The following RBFOX2 variants were observed in gnomAD, a reference collection of about 807,000 sequenced individuals.
The protein encoded by RBFOX2 is RNA binding protein fox-1 homolog 2.
In RBFOX2, 10 loss-of-function variants were observed where a neutral mutation model predicts 49.1. That is an observed-to-expected ratio of 0.20 (90% confidence interval 0.13 to 0.35). The LOEUF (loss-of-function observed/expected upper bound fraction) is 0.35, where lower values mean the gene tolerates loss of function less well. Ranked by LOEUF, RBFOX2 falls within the 10% of genes least tolerant of loss-of-function variation. RBFOX2 has a pLI of 1.00. For missense variants in RBFOX2, 323 were observed against 486.9 expected, an observed-to-expected ratio of 0.66 and a Z score of 3.17; for synonymous variants, 183 against 187.4, an observed-to-expected ratio of 0.98 and a Z score of 0.19.
At chr22:35,897,581 C>A in intron 1 of RBFOX2, 1 of 971,986 alleles carries the variant, frequency 1.0e-6, no homozygotes. Context: ...TTCACCAGGT[C>A]AAAGAGGAGA....
rs939589003 is a variant in RBFOX2, at chr22:35,951,487, C to T, written c.42+10076G>A. ...TTTGAACTCCCAACCACAGGTGATC[C>T]GCCTGCCTTGGCCTCCCAAAGTGCT... On this transcript the variant is annotated intron_variant, in intron 1 of 5. Coordinates refer to the RBFOX2 transcript ENST00000408983. 3.9e-5 allele frequency among the ~76,000 whole-genome samples: 6 copies of T among 152,002 alleles called. No individual in the cohort carries two copies. The East Asian group carries it at 9.6e-4, about 24-fold the overall frequency.
intron 1 of RBFOX2, among the ~76,000 whole-genome samples, chr22:35,856,489 T>A (rs2042522660): frequency 6.6e-6 from 1 of 152,182 alleles, no homozygotes; most frequent in African/African-American, 2.4e-5. Context: ...TAGCAAAGAT[T>A]GCCGAGATTT....
intron 1 of RBFOX2, among the ~76,000 whole-genome samples, chr22:35,958,690 C>T (rs1249996130): frequency 6.6e-6 from 1 of 152,182 alleles, no homozygotes; most frequent in Non-Finnish European, 1.5e-5. Context: ...TTAATTCTTG[C>T]TTGGAACCAA....
At chr22:35,957,445 C>G (rs1209786474) in intron 1 of RBFOX2, among the ~76,000 whole-genome samples, 1 of 152,136 alleles carries the variant, frequency 6.6e-6, no homozygotes, top group Non-Finnish European at 1.5e-5. Flanking sequence ...TTGCACCCTC[C>G]TTACCTTGCA....
At chr22:35,975,528 A>G (rs1045972115) in intron 1 of RBFOX2, among the ~76,000 whole-genome samples, 1 of 152,340 alleles carries the variant, frequency 6.6e-6, no homozygotes, top group Non-Finnish European at 1.5e-5. Flanking sequence ...CAATGAAATA[A>G]CTATTACTAT....
At chr22:35,926,138 A>C (rs987933134) in intron 1 of RBFOX2, among the ~76,000 whole-genome samples, 4 of 152,214 alleles carry the variant, frequency 2.6e-5, no homozygotes, top group African/African-American at 9.6e-5. Flanking sequence ...TTTCATTCTA[A>C]ATCATCTGCC....
chr22:35,947,290 G>A (rs1352127611), intron 1 of RBFOX2, among the ~76,000 whole-genome samples: 3 of 152,114 alleles, frequency 2.0e-5, no homozygotes, highest in Non-Finnish European at 2.9e-5. Flanking sequence ...TTTGTGTGAT[G>A]CTGGTGTAAA....
chr22:35,816,380 C>T (rs901041844), intron 1 of RBFOX2, among the ~76,000 whole-genome samples: 5 of 152,072 alleles, frequency 3.3e-5, no homozygotes, highest in African/African-American at 9.7e-5. Context: ...TTGCTTTTCT[C>T]ACCTCAAGAA....
intron 3 of RBFOX2, among the ~76,000 whole-genome samples, chr22:35,780,299 G>C (rs1351538144): frequency 1.3e-5 from 2 of 150,882 alleles, no homozygotes; most frequent in African/African-American, 2.4e-5. Context: ...ACTTAAAGAA[G>C]AGCATCTGCT....
At chr22:35,756,043 A>T in intron 9 of RBFOX2, 62 bp downstream of exon 11, 8 of 1,244,978 alleles carry the variant, frequency 6.4e-6, no homozygotes, top group Non-Finnish European at 8.3e-6. Flanking sequence ...CCAAAGAAAC[A>T]GAAAAAAAAA....
intron 1 of RBFOX2, among the ~76,000 whole-genome samples, chr22:35,826,623 T>C (rs1955798451): frequency 6.6e-6 from 1 of 152,102 alleles, no homozygotes; most frequent in Non-Finnish European, 1.5e-5. Flanking sequence ...TGCCCCCTGG[T>C]TCCTCAGGAG....
chr22:35,882,003 G>A (rs1428911184), intron 1 of RBFOX2, among the ~76,000 whole-genome samples: 9 of 150,580 alleles, frequency 6.0e-5, no homozygotes, highest in Non-Finnish European at 1.3e-4. Flanking sequence ...AAAAAAAAAA[G>A]AAATGAAAAG....
chr22:35,759,698 T>C lies in RBFOX2; in HGVS notation c.887+190A>G, dbSNP rs1160526980. 6.6e-6 allele frequency among the ~76,000 whole-genome samples: 1 copy of C among 152,220 alleles called. No individual in the cohort carries two copies. Among genetic ancestry groups the C allele is most frequent in the Non-Finnish European group, 1.5e-5 (1 of 68,030 alleles). On this transcript the variant is annotated intron_variant, in intron 9 of 11. Coordinates refer to ENST00000405409, the Ensembl canonical transcript of RBFOX2. This position sits in a 1 kb window ranked among gnomAD's most constrained non-coding sequence, Gnocchi z 4.6. ...GCCAAAATGAAGACTTATAATGAAT[T>C]GACAGTTTGTCACATTCTGATGATG...
chr22:35,800,832 T>TA (rs1310473438), intron 2 of RBFOX2, among the ~76,000 whole-genome samples: 1 of 152,218 alleles, frequency 6.6e-6, no homozygotes, highest in Non-Finnish European at 1.5e-5. Flanking sequence ...AAAGTCAATT[T>TA]AAAAATCACA....
At chr22:36,016,521 TG>T (rs2059042167) in intron 1 of RBFOX2, among the ~76,000 whole-genome samples, 1 of 152,050 alleles carries the variant, frequency 6.6e-6, no homozygotes, top group Non-Finnish European at 1.5e-5. Flanking sequence ...ACCACATGCC[TG>T]GAATAAAATA....
intron 1 of RBFOX2, among the ~76,000 whole-genome samples, chr22:35,908,590 G>T (rs531162701): frequency 3.3e-5 from 5 of 152,226 alleles, no homozygotes; most frequent in Non-Finnish European, 7.3e-5. Flanking sequence ...TTGTACCATT[G>T]TAAAGTCAGA....
chr22:35,916,854 C>T (rs1462879824), intron 1 of RBFOX2, among the ~76,000 whole-genome samples: 2 of 146,424 alleles, frequency 1.4e-5, no homozygotes, highest in East Asian at 2.0e-4. Context: ...CTGGGAGACA[C>T]AGAGAGACTC....
intron 1 of RBFOX2, among the ~76,000 whole-genome samples, chr22:35,878,260 T>C (rs752952276): frequency 6.6e-6 from 1 of 152,030 alleles, no homozygotes; most frequent in Non-Finnish European, 1.5e-5. Flanking sequence ...TAGCCGAGCA[T>C]GGTGGTATGG....
intron 1 of RBFOX2, among the ~76,000 whole-genome samples, chr22:35,967,871 T>C (rs73415732): frequency 0.078 from 11,943 of 152,148 alleles, 481 homozygotes; most frequent in African/African-American, 0.087. Context: ...AAGTCCAGCA[T>C]CTTCCAGTCC....
Sources: gnomAD v4.1 joint callset for allele counts (sites outside exome capture counted in the v4.1 genomes callset) on GRCh38, gnomAD v4.1.1 for gene constraint, Gnocchi (gnomAD v3.1) non-coding constraint, MANE v1.5 for transcripts, NCBI Gene and HGNC (gene_info 2026-07-23, HGNC 2026-07-21) for gene names.